FUT9: variants seen among roughly 807,000 people sequenced by gnomAD.
FUT9 encodes the protein fucosyltransferase 9, also known as 4-galactosyl-N-acetylglucosaminide 3-alpha-L-fucosyltransferase 9.
In FUT9, 15 loss-of-function variants were observed where a neutral mutation model predicts 29.7. That is an observed-to-expected ratio of 0.51 (90% CI 0.34 to 0.78). The LOEUF (loss-of-function observed/expected upper bound fraction) is 0.78. Among genes scored for constraint, FUT9 ranks in the 30% least tolerant of loss-of-function variants. The pLI is 0.01. For missense variants in FUT9, 319 were observed against 425.4 expected, an observed-to-expected ratio of 0.75 and a Z score of 2.20; for synonymous variants, 169 against 153.7, an observed-to-expected ratio of 1.10 and a Z score of -0.74.
At chr6:96,149,129 C>T (rs375396795) in intron 2 of FUT9, among the ~76,000 whole-genome samples, 5 of 151,180 alleles carry the variant, frequency 3.3e-5, no homozygotes, top group African/African-American at 2.4e-5. Flanking sequence ...TGCCACTGTA[C>T]CGCAGCCTGG....
chr6:96,203,080 C>G (rs1448153006), intron 2 of FUT9, 68 bp from the exon 3 acceptor site: 1 of 1,134,602 alleles, frequency 8.8e-7, no homozygotes, highest in African/African-American at 1.5e-5. Flanking sequence ...AAATATATCT[C>G]CAATATATTT....
At chr6:96,047,442 T>C (rs1770583636) in intron 1 of FUT9, among the ~76,000 whole-genome samples, 1 of 152,194 alleles carries the variant, frequency 6.6e-6, no homozygotes, top group Admixed American at 6.5e-5. Flanking sequence ...TGCAATCTTA[T>C]TTCTTTCTTC....
chr6:96,055,566 G>C (rs1049966328), intron 1 of FUT9, among the ~76,000 whole-genome samples: 4 of 151,184 alleles, frequency 2.6e-5, no homozygotes, highest in African/African-American at 9.7e-5. Flanking sequence ...GGGTAAATGT[G>C]CAGGCTTGTT....
At chr6:96,169,752 C>T (rs947964543) in intron 2 of FUT9, among the ~76,000 whole-genome samples, 2 of 152,098 alleles carry the variant, frequency 1.3e-5, no homozygotes, top group Non-Finnish European at 2.9e-5. Flanking sequence ...TACCAAATTT[C>T]TCTCTTTTGC....
chr6:96,070,189 A>C (rs1351718529), intron 1 of FUT9, among the ~76,000 whole-genome samples: 1 of 152,208 alleles, frequency 6.6e-6, no homozygotes, highest in African/African-American at 2.4e-5. Flanking sequence ...ATGTTTGATA[A>C]AAATAATTAC....
intron 2 of FUT9, among the ~76,000 whole-genome samples, chr6:96,137,512 T>C (rs1220256053): frequency 6.6e-6 from 1 of 151,940 alleles, no homozygotes; most frequent in East Asian, 1.9e-4. Context: ...TAGTACAGTA[T>C]AGAAATGGAG....
chr6:96,017,918 A>G (rs970742889), intron 1 of FUT9, among the ~76,000 whole-genome samples: 3 of 152,124 alleles, frequency 2.0e-5, no homozygotes, highest in African/African-American at 7.2e-5. Context: ...GTTAGTTAAT[A>G]TTGCCTTAAT....
intron 2 of FUT9, among the ~76,000 whole-genome samples, chr6:96,118,643 C>T (rs1190147055): frequency 6.6e-6 from 1 of 152,154 alleles, no homozygotes; most frequent in Non-Finnish European, 1.5e-5. Flanking sequence ...TGTACTTCTA[C>T]TAATTTAAAA....
At chr6:96,076,164 A>G (rs564968110) in intron 1 of FUT9, among the ~76,000 whole-genome samples, 2 of 152,216 alleles carry the variant, frequency 1.3e-5, no homozygotes, top group South Asian at 2.1e-4. Context: ...AGCTGATACT[A>G]CATAAAGAAT....
intron 2 of FUT9, among the ~76,000 whole-genome samples, chr6:96,131,565 G>A (rs1772245063): frequency 6.6e-6 from 1 of 152,110 alleles, no homozygotes; most frequent in Non-Finnish European, 1.5e-5. Context: ...AAGTTTTATA[G>A]ACAGCTTATT....
At chr6:96,060,146 A>T (rs1377724111) in intron 1 of FUT9, among the ~76,000 whole-genome samples, 1 of 152,196 alleles carries the variant, frequency 6.6e-6, no homozygotes, top group African/African-American at 2.4e-5. Flanking sequence ...ACAAGGAATG[A>T]TCCTGCTCTG....
intron 2 of FUT9, among the ~76,000 whole-genome samples, chr6:96,152,905 G>A (rs73498328): frequency 6.6e-5 from 10 of 152,200 alleles, no homozygotes; most frequent in East Asian, 1.9e-4. Flanking sequence ...GCATTCCCAC[G>A]AACACGGTTC....
At chr6:96,177,191 A>G (rs1393669226) in intron 2 of FUT9, among the ~76,000 whole-genome samples, 2 of 152,104 alleles carry the variant, frequency 1.3e-5, no homozygotes, top group African/African-American at 4.8e-5. Flanking sequence ...TTTTTTCTCT[A>G]AAAACAATTG....
intron 1 of FUT9, among the ~76,000 whole-genome samples, chr6:96,086,174 A>G (rs1257369577): frequency 6.6e-6 from 1 of 152,168 alleles, no homozygotes; most frequent in Non-Finnish European, 1.5e-5. Flanking sequence ...TTTTCTCCAG[A>G]CCGCATAAAT....
At chr6:96,126,560 TTCTGTAGA>T (rs1371133011) in intron 2 of FUT9, among the ~76,000 whole-genome samples, 4 of 152,252 alleles carry the variant, frequency 2.6e-5, no homozygotes, top group African/African-American at 9.6e-5. Context: ...AGTTTTGCTA[TTCTGTAGA>T]TCCAGGACAT....
chr6:96,185,337 T>C (rs971977335), intron 2 of FUT9, among the ~76,000 whole-genome samples: 18 of 152,084 alleles, frequency 1.2e-4, no homozygotes, highest in African/African-American at 4.1e-4. Flanking sequence ...TGAGATTTAA[T>C]AAATATCACA....
At position 96,130,679 on chromosome 6, in the gene FUT9, G is replaced by GAT. The variant is rs544512656; in HGVS notation, c.-9+16554_-9+16555dup. 2.3e-4 allele frequency among the ~76,000 whole-genome samples: 35 copies of GAT among 152,166 alleles called. No individual in the cohort carries two copies. In the East Asian group the frequency reaches 3.7e-3, roughly 16 times the overall value. On this transcript the variant is annotated intron_variant, in intron 2 of 2. Coordinates refer to ENST00000302103, the MANE Select transcript of FUT9 (RefSeq NM_006581.4). Reference sequence around the variant, plus strand: ...AAAGTAATTCTTTTTCCTCCTTCAAGATAATACAGTAAAATTTGTTTTCTT... The same window carrying GAT: ...AAAGTAATTCTTTTTCCTCCTTCAAGATATAATACAGTAAAATTTGTTTTCTT...
intron 1 of FUT9, among the ~76,000 whole-genome samples, chr6:96,077,123 G>T (rs200351501): frequency 6.6e-6 from 1 of 151,976 alleles, no homozygotes; most frequent in East Asian, 1.9e-4. Flanking sequence ...ACATGGTTCT[G>T]GTATAATTTT....
At chr6:96,072,184 T>C (rs1771074361) in intron 1 of FUT9, among the ~76,000 whole-genome samples, 1 of 152,200 alleles carries the variant, frequency 6.6e-6, no homozygotes. Context: ...TGAGGTCATA[T>C]AGCTGCAAGT....
Sources: allele counts gnomAD v4.1 joint callset (sites outside exome capture counted in the v4.1 genomes callset), GRCh38; gene constraint gnomAD v4.1.1; transcripts MANE v1.5; gene names NCBI Gene and HGNC (gene_info 2026-07-23, HGNC 2026-07-21).